The following YTHDF3 variants were observed in gnomAD, a reference collection of about 807,000 sequenced individuals.
YTHDF3 encodes the protein YTH N6-methyladenosine RNA binding protein F3.
A neutral mutation model predicts 52.5 loss-of-function variants in YTHDF3; 9 were observed. That is an observed-to-expected ratio of 0.17 (90% CI 0.10 to 0.30). YTHDF3 has a LOEUF of 0.30. YTHDF3 is among the 10% of genes least tolerant of loss of function. The pLI is 1.00. For missense variants in YTHDF3, 534 were observed against 715.0 expected (o/e 0.75, Z 2.89); for synonymous variants, 274 against 243.3 (o/e 1.13, Z -1.18).
intron 4 of YTHDF3, among the ~76,000 whole-genome samples, chr8:63,199,117 A>G: frequency 6.6e-6 from 1 of 152,198 alleles, no homozygotes; most frequent in Non-Finnish European, 1.5e-5. Context: ...GGGGTGCTTC[A>G]ATTAACATAT....
rs780315424 is a variant in YTHDF3 at position 63,177,726 on chromosome 8, T to C, written c.135+2310T>C. Among the ~76,000 whole-genome samples, 10 of 152,020 alleles carry C rather than the reference T, an allele frequency of 6.6e-5. No individual in the cohort carries two copies. The East Asian group carries it at 9.6e-4, about 15-fold the overall frequency. On this transcript the variant is annotated intron_variant, in intron 3 of 4. Transcript: ENST00000539294. The stretch of plus-strand genomic sequence containing the variant: ...AAATGAAGTTCTTAAGATGAAGATA[T>C]AGTATAAAAAATCCTGACTTGTTCA...
intron 3 of YTHDF3, among the ~76,000 whole-genome samples, chr8:63,176,630 C>G (rs1205828170): frequency 2.0e-5 from 3 of 151,444 alleles, no homozygotes; most frequent in Non-Finnish European, 4.4e-5. Flanking sequence ...ATTAGAAACT[C>G]AGTTCTTTGG....
Position 63,186,883 on chromosome 8 carries a change from C to A in YTHDF3, c.872C>A (p.Thr291Asn), listed in dbSNP as rs759282105. 1 of 1,613,896 alleles carries A rather than the reference C, an allele frequency of 6.2e-7. No individual in the cohort carries two copies. Residue 291 changes from threonine (T) to asparagine (N), a missense_variant, in exon 4 of 5, where the codon ACC becomes AAC. By Grantham distance (65) the Thr-to-Asn change is moderately conservative. This residue lies in a region of YTHDF3 where 203 missense variants were observed against 201.3 expected (regional missense o/e 1.01). Coordinates refer to ENST00000539294, the MANE Select transcript of YTHDF3 (RefSeq NM_152758.6). The stretch of plus-strand genomic sequence containing the variant: ...GGGTCAGTGGTAAAGGCTCCACCAA[C>A]CCAACCAGTTCTGCCTCCTCAAACT... The part of the protein sequence containing the change: ...EKGSVVKAPP[T>N]QPVLPPQTII...
chr8:63,196,880 GA>G lies in YTHDF3; in HGVS notation c.1734+9140del, dbSNP rs1809273987. Among the ~76,000 whole-genome samples the G allele has an allele frequency of 1.3e-5, 2 of 152,118 alleles. 1 individual carries two copies. Among genetic ancestry groups the G allele is most frequent in the Non-Finnish European group, 2.9e-5 (2 of 68,018 alleles). On this transcript the variant is annotated intron_variant, in intron 4 of 4. Transcript: ENST00000539294. Reference sequence around the variant, plus strand: ...CATACTTAAAATGTTTCAGCAGAATGAAAAAGAATTCAAGAAAGAACAACAA... The same window carrying G: ...CATACTTAAAATGTTTCAGCAGAATGAAAAGAATTCAAGAAAGAACAACAA...
At chr8:63,189,550 T>C (rs1808784071) in intron 4 of YTHDF3, among the ~76,000 whole-genome samples, 1 of 152,204 alleles carries the variant, frequency 6.6e-6, no homozygotes, top group African/African-American at 2.4e-5. Context: ...AAATCAGTGA[T>C]TGTTTCTGTG....
intron 3 of YTHDF3, 126 bp downstream of exon 3, chr8:63,175,542 G>A: frequency 1.3e-6 from 1 of 745,320 alleles, no homozygotes; most frequent in Non-Finnish European, 2.2e-6. Flanking sequence ...TACCTATATA[G>A]TAAGTGAGTA....
rs1807422710 is a variant in YTHDF3, at chr8:63,172,900, C to T, written c.50-2431C>T. ...TGGTTTTCAGACTCCAAGACATTAGCTTGTCATTAAGTAAATATTCAAAAA... is the reference window on the plus strand; with the variant it reads ...TGGTTTTCAGACTCCAAGACATTAGTTTGTCATTAAGTAAATATTCAAAAA... On this transcript the variant is annotated intron_variant, in intron 2 of 4. Transcript: ENST00000539294. 3.2e-6 allele frequency: 3 copies of T among 947,522 alleles called. No homozygotes were observed. In the Admixed American group the frequency reaches 1.3e-4, roughly 41 times the overall value. 58.7% of individuals were successfully genotyped at this position (947,522 alleles called of 1,614,324 possible).
intron 2 of YTHDF3, 51 bp downstream of exon 2, chr8:63,169,462 C>T (rs878970538): frequency 1.3e-6 from 2 of 1,530,512 alleles, no homozygotes; most frequent in African/African-American, 1.4e-5. Context: ...CTTAATGTTA[C>T]TTTTAAACTC....
Position 63,179,413 on chromosome 8 carries a change from G to A in YTHDF3, c.135+3997G>A, listed in dbSNP as rs987932534. On this transcript the variant is annotated intron_variant, in intron 3 of 4. Transcript: ENST00000539294. ...TGGGTGCTTGAGATTAGGGAGTGGTGATGACTCTTAAGGAGCATGCTGCCT... is the reference window on the plus strand; with the variant it reads ...TGGGTGCTTGAGATTAGGGAGTGGTAATGACTCTTAAGGAGCATGCTGCCT... Among the ~76,000 whole-genome samples the A allele has an allele frequency of 3.3e-5, 5 of 152,188 alleles. No individual in the cohort carries two copies. The East Asian group carries it at 9.7e-4, about 29-fold the overall frequency.
intron 4 of YTHDF3, among the ~76,000 whole-genome samples, chr8:63,193,511 C>T (rs1331577695): frequency 2.0e-5 from 3 of 151,920 alleles, no homozygotes; most frequent in Non-Finnish European, 4.4e-5. Context: ...TTCACAGCTA[C>T]CCAGGAGGCT....
chr8:63,186,091 T>A, intron 3 of YTHDF3, 56 bp from the exon 4 acceptor site: 3 of 1,485,408 alleles, frequency 2.0e-6, no homozygotes, highest in Non-Finnish European at 2.7e-6. Context: ...TCAGATTTCT[T>A]TTTTTGCTCT....
At chr8:63,196,422 C>T (rs193159073) in intron 4 of YTHDF3, among the ~76,000 whole-genome samples, 49 of 151,742 alleles carry the variant, frequency 3.2e-4, no homozygotes, top group African/African-American at 1.1e-3. Flanking sequence ...ATTAGCGAGG[C>T]GTGCTGACAG....
chr8:63,170,000 A>AT (rs1486792945), intron 2 of YTHDF3, among the ~76,000 whole-genome samples: 1 of 152,124 alleles, frequency 6.6e-6, no homozygotes, highest in Non-Finnish European at 1.5e-5. Context: ...AGTTTGTGAC[A>AT]TTTTTTCCAG....
At chr8:63,172,558 A>T in intron 2 of YTHDF3, 2 of 392,488 alleles carry the variant, frequency 5.1e-6, no homozygotes, top group Non-Finnish European at 9.0e-6. Context: ...ATTTCAAAGC[A>T]CTTTACTATC....
chr8:63,206,390 A>G (rs1826201773), intron 4 of YTHDF3, among the ~76,000 whole-genome samples: 2 of 151,968 alleles, frequency 1.3e-5, no homozygotes, highest in Admixed American at 6.6e-5. Flanking sequence ...GCCTGCTCCA[A>G]ACTTCATTCA....
chr8:63,182,140 T>C (rs1808181836), intron 3 of YTHDF3, among the ~76,000 whole-genome samples: 1 of 151,696 alleles, frequency 6.6e-6, no homozygotes, highest in Non-Finnish European at 1.5e-5. Context: ...GTGATCATAG[T>C]TCACTGCAGC....
chr8:63,172,044 G>A (rs1807363030), intron 2 of YTHDF3, among the ~76,000 whole-genome samples: 1 of 152,084 alleles, frequency 6.6e-6, no homozygotes, highest in Non-Finnish European at 1.5e-5. Flanking sequence ...ATAATTCAAG[G>A]TTTACTTGTT....
intron 4 of YTHDF3, among the ~76,000 whole-genome samples, chr8:63,196,590 C>T (rs925040449): frequency 4.6e-5 from 7 of 151,000 alleles, no homozygotes; most frequent in Admixed American, 4.0e-4. Context: ...TAAAAAAGGA[C>T]AAAGACAAAA....
Position 63,208,280 on chromosome 8 carries a change from C to G in YTHDF3, c.1735-1403C>G, listed in dbSNP as rs566785973. Among the ~76,000 whole-genome samples the G allele has an allele frequency of 8.5e-5, 13 of 152,236 alleles. No homozygotes were observed. The East Asian group carries it at 2.5e-3, about 29-fold the overall frequency. Reference sequence around the variant, plus strand: ...ATAAAAAAGAAAGGACTTTTAGTAACAAAGAGAACTGAGGTTCTCTTTGAA... The same window carrying G: ...ATAAAAAAGAAAGGACTTTTAGTAAGAAAGAGAACTGAGGTTCTCTTTGAA... On this transcript the variant is annotated intron_variant, in intron 4 of 4. Coordinates refer to ENST00000539294, the MANE Select transcript of YTHDF3 (RefSeq NM_152758.6).
Sources: allele counts gnomAD v4.1 joint callset (sites outside exome capture counted in the v4.1 genomes callset), GRCh38; gene constraint gnomAD v4.1.1; regional missense constraint gnomAD v4.1.1; transcripts MANE v1.5; gene names NCBI Gene and HGNC (gene_info 2026-07-23, HGNC 2026-07-21).